The following PTPRD variants were observed in gnomAD, a reference collection of about 807,000 sequenced individuals.
PTPRD encodes the protein protein tyrosine phosphatase receptor type D.
PTPRD carries 34 observed loss-of-function variants against 214.5 expected under a neutral mutation model. That is an observed-to-expected ratio of 0.16 (90% CI 0.12 to 0.21). PTPRD has a LOEUF of 0.21. Among genes scored for constraint, PTPRD ranks in the 10% least tolerant of loss-of-function variants. The pLI, the probability that PTPRD is intolerant of heterozygous loss-of-function variation, is 1.00. For synonymous variants in PTPRD, 1,128 were observed against 845.7 expected (o/e 1.33, Z -5.79); for missense variants, 2,545 against 2,398.7 (o/e 1.06, Z -1.27).
intron 11 of PTPRD, among the ~76,000 whole-genome samples, chr9:9,016,090 C>T (rs541846835): frequency 1.0e-3 from 156 of 152,230 alleles, no homozygotes; most frequent in Non-Finnish European, 1.9e-3. Flanking sequence ...TAATACTTTC[C>T]CACAGAGCTT....
At chr9:8,910,225 G>C (rs1282718318) in intron 11 of PTPRD, among the ~76,000 whole-genome samples, 1 of 151,908 alleles carries the variant, frequency 6.6e-6, no homozygotes, top group Non-Finnish European at 1.5e-5. Flanking sequence ...TTTTAGTAGA[G>C]ACGGGATTTC....
chr9:9,479,394 T>A (rs960491518), intron 8 of PTPRD, among the ~76,000 whole-genome samples: 1 of 151,822 alleles, frequency 6.6e-6, no homozygotes, highest in South Asian at 2.1e-4. Context: ...GCTGTTTTTG[T>A]ATATTTCTTG....
intron 10 of PTPRD, among the ~76,000 whole-genome samples, chr9:9,064,379 A>G (rs910022537): frequency 3.9e-5 from 6 of 152,240 alleles, no homozygotes; most frequent in Admixed American, 3.3e-4. Context: ...AGGTTAATCT[A>G]TAGTTATATT....
intron 3 of PTPRD, among the ~76,000 whole-genome samples, chr9:10,113,739 T>C (rs1184148516): frequency 1.3e-5 from 2 of 152,208 alleles, no homozygotes; most frequent in African/African-American, 4.8e-5. Context: ...GCTTCGCCAC[T>C]TTAATGTGGA....
At chr9:10,590,866 T>C (rs962969742) in intron 2 of PTPRD, among the ~76,000 whole-genome samples, 1 of 151,204 alleles carries the variant, frequency 6.6e-6, no homozygotes. Flanking sequence ...TGTTATATAC[T>C]GAAAACTGAA....
At chr9:9,957,168 A>G (rs1249128192) in intron 4 of PTPRD, among the ~76,000 whole-genome samples, 3 of 152,194 alleles carry the variant, frequency 2.0e-5, no homozygotes, top group Non-Finnish European at 4.4e-5. Context: ...ATGTATGTAT[A>G]TATAAACAGA....
intron 12 of PTPRD, among the ~76,000 whole-genome samples, chr9:8,721,181 C>T (rs1177774811): frequency 6.6e-6 from 1 of 151,798 alleles, no homozygotes; most frequent in African/African-American, 2.4e-5. Flanking sequence ...GTTATCCCAA[C>T]ACTTTGGGAA....
intron 3 of PTPRD, among the ~76,000 whole-genome samples, chr9:10,220,767 A>T (rs531411950): frequency 5.6e-4 from 85 of 151,922 alleles, no homozygotes; most frequent in African/African-American, 2.0e-3. Flanking sequence ...ATGTGTTTGT[A>T]TATATGCACA....
intron 2 of PTPRD, among the ~76,000 whole-genome samples, chr9:10,475,834 C>G (rs941476800): frequency 6.6e-6 from 1 of 151,836 alleles, no homozygotes; most frequent in Non-Finnish European, 1.5e-5. Flanking sequence ...ATATGCATAT[C>G]AATAAATGTA....
At chr9:8,546,481 GTTTTTCTTTCT>G (rs1259938755) in intron 14 of PTPRD, among the ~76,000 whole-genome samples, 1 of 151,814 alleles carries the variant, frequency 6.6e-6, no homozygotes, top group East Asian at 1.9e-4. Context: ...GAATATTATG[GTTTTTCTTTCT>G]TTTTTCTTTT....
At chr9:9,552,551 T>C (rs1447759269) in intron 8 of PTPRD, among the ~76,000 whole-genome samples, 3 of 152,098 alleles carry the variant, frequency 2.0e-5, no homozygotes, top group Admixed American at 1.3e-4. Flanking sequence ...TTCTTTTATA[T>C]GCAAATACTT....
At chr9:8,754,583 C>A (rs1238760388) in intron 11 of PTPRD, among the ~76,000 whole-genome samples, 1 of 152,166 alleles carries the variant, frequency 6.6e-6, no homozygotes, top group Admixed American at 6.5e-5. Context: ...CTCTACCTCA[C>A]ACCATATACA....
chr9:9,991,854 AC>A (rs2095943358), intron 4 of PTPRD, among the ~76,000 whole-genome samples: 2 of 151,818 alleles, frequency 1.3e-5, no homozygotes, highest in South Asian at 2.1e-4. Flanking sequence ...ACACACACAC[AC>A]ACACACACAC....
At position 8,352,737 on chromosome 9, in the gene PTPRD, G is replaced by C. The variant is rs1020073261; in HGVS notation, c.4662-10759C>G. 7.2e-5 allele frequency among the ~76,000 whole-genome samples: 11 copies of C among 152,188 alleles called. 1 individual carries two copies. Among genetic ancestry groups the C allele is most frequent in the Admixed American group, 7.2e-4 (11 of 15,282 alleles). ...GAACTTTAGCAACTTTGATTAGTTT[G>C]TAAGGCATATCATTTTCCCACACAG... is the stretch of plus-strand genomic sequence containing the variant. On this transcript the variant is annotated intron_variant, in intron 39 of 45. Coordinates refer to ENST00000381196, the MANE Select transcript of PTPRD (RefSeq NM_002839.4).
At chr9:9,466,033 G>C (rs2094127031) in intron 8 of PTPRD, among the ~76,000 whole-genome samples, 1 of 152,044 alleles carries the variant, frequency 6.6e-6, no homozygotes, top group Admixed American at 6.6e-5. Flanking sequence ...TAGTAGCCAG[G>C]TGTGATGGTT....
chr9:9,213,346 G>C (rs1194651145), intron 9 of PTPRD, among the ~76,000 whole-genome samples: 1 of 152,158 alleles, frequency 6.6e-6, no homozygotes, highest in Non-Finnish European at 1.5e-5. Flanking sequence ...TTTTCCATTT[G>C]ATGCATAGAC....
intron 3 of PTPRD, among the ~76,000 whole-genome samples, chr9:10,121,614 C>A (rs1274335903): frequency 1.3e-5 from 2 of 152,170 alleles, no homozygotes; most frequent in African/African-American, 4.8e-5. Context: ...ATCTTTAATT[C>A]TTGCTCTGCT....
intron 12 of PTPRD, among the ~76,000 whole-genome samples, chr9:8,691,597 G>C (rs890390142): frequency 1.3e-5 from 2 of 152,110 alleles, no homozygotes; most frequent in Non-Finnish European, 2.9e-5. Flanking sequence ...TGGATTTGAA[G>C]GTGATTTGCC....
intron 20 of PTPRD, among the ~76,000 whole-genome samples, chr9:8,519,249 A>G (rs2097845674): frequency 6.6e-6 from 1 of 152,168 alleles, no homozygotes; most frequent in African/African-American, 2.4e-5. Context: ...CATCAGAAAT[A>G]TCCAATGTAG....
Sources: gnomAD v4.1 joint callset for allele counts (sites outside exome capture counted in the v4.1 genomes callset) on GRCh38, gnomAD v4.1.1 for gene constraint, MANE v1.5 for transcripts, NCBI Gene and HGNC (gene_info 2026-07-23, HGNC 2026-07-21) for gene names.